Variants in ILKAP observed in about 807,000 individuals in gnomAD.
The protein encoded by ILKAP is integrin-linked kinase-associated serine/threonine phosphatase 2C.
ILKAP carries 11 observed loss-of-function variants against 49.1 expected under a neutral mutation model. The observed-to-expected ratio is 0.22, with a 90% CI of 0.14 to 0.37. The LOEUF (loss-of-function observed/expected upper bound fraction) is 0.37. ILKAP is among the 10% of genes least tolerant of loss of function. The probability of loss-of-function intolerance (pLI) is 1.00; values close to 1 mark genes in which losing one functional copy is unlikely to be tolerated. For synonymous variants in ILKAP, 186 were observed against 192.8 expected (o/e 0.96, Z 0.29); for missense variants, 363 against 510.8 (o/e 0.71, Z 2.79).
intron 3 of ILKAP, among the ~76,000 whole-genome samples, chr2:238,192,576 T>C (rs1694179011): frequency 6.6e-6 from 1 of 151,972 alleles, no homozygotes; most frequent in Non-Finnish European, 1.5e-5. Context: ...GGCGGGAGCC[T>C]GTAGTCCCAG....
chr2:238,183,036 A>C (rs956040735), intron 8 of ILKAP, among the ~76,000 whole-genome samples: 1 of 152,162 alleles, frequency 6.6e-6, no homozygotes, highest in East Asian at 1.9e-4. Flanking sequence ...AAAAGCGGCA[A>C]CGGAACGGAA....
chr2:238,201,017 T>C (rs1694546684), intron 1 of ILKAP, among the ~76,000 whole-genome samples: 1 of 152,232 alleles, frequency 6.6e-6, no homozygotes, highest in Non-Finnish European at 1.5e-5. Flanking sequence ...CTGGTTACAC[T>C]TTCTGAACAA....
intron 6 of ILKAP, 34 bp downstream of exon 6, chr2:238,185,143 CCAAT>C: frequency 7.5e-7 from 1 of 1,327,144 alleles, no homozygotes; most frequent in Non-Finnish European, 1.1e-6. Flanking sequence ...ACAGCAATAA[CCAAT>C]TTGAGTATCA....
rs528405270 is a variant in ILKAP, at chr2:238,187,764, G to A, written c.425+367C>T. ...CTGGTAAGGAGTAACACACGCTGCA[G>A]AGCCATGCTATGAAGCGTCATCTCC... On this transcript the variant is annotated intron_variant, in intron 5 of 11. Coordinates refer to ENST00000254654, the MANE Select transcript of ILKAP (RefSeq NM_030768.3). Among the ~76,000 whole-genome samples the A allele has an allele frequency of 7.2e-5, 11 of 152,314 alleles. No homozygotes were observed. In the South Asian group the frequency reaches 2.1e-3, roughly 29 times the overall value.
intron 1 of ILKAP, among the ~76,000 whole-genome samples, chr2:238,202,137 A>T (rs922209957): frequency 6.6e-6 from 1 of 152,222 alleles, no homozygotes; most frequent in Non-Finnish European, 1.5e-5. Flanking sequence ...AGGCAGGAGA[A>T]TTGTTTGAAC....
At chr2:238,198,644 T>A (rs1276499893) in intron 1 of ILKAP, among the ~76,000 whole-genome samples, 1 of 152,088 alleles carries the variant, frequency 6.6e-6, no homozygotes, top group Admixed American at 6.5e-5. Context: ...CCTCCCCTAA[T>A]CTTAAAAATA....
chr2:238,191,094 G>A (rs1427657033), intron 3 of ILKAP, among the ~76,000 whole-genome samples: 1 of 151,552 alleles, frequency 6.6e-6, no homozygotes, highest in Non-Finnish European at 1.5e-5. Context: ...AGCTGGGACT[G>A]AAAGCAGGAA....
chr2:238,187,851 G>T (rs1693968824), intron 5 of ILKAP, among the ~76,000 whole-genome samples: 1 of 152,180 alleles, frequency 6.6e-6, no homozygotes, highest in Non-Finnish European at 1.5e-5. Context: ...ATTCTTTGTT[G>T]TGGGGCTGCC....
At position 238,170,647 on chromosome 2, in the gene ILKAP, C is replaced by A; in HGVS notation, c.1068G>T (p.Lys356Asn). ...CTTCGTAGCGGGCGTCGGCTGCGGACTTCCCTTCCCGGGTCTGGATCTTTT... is the reference window on the plus strand; with the variant it reads ...CTTCGTAGCGGGCGTCGGCTGCGGAATTCCCTTCCCGGGTCTGGATCTTTT... ...EDEKIQTREG[K>N]SAADARYEAA... The change falls in exon 12 of 12, where the codon AAG becomes AAT. Residue 356 changes from lysine (K) to asparagine (N), a missense_variant. Physicochemically the swap from Lys to Asn is moderately conservative, Grantham distance 94. Coordinates refer to ENST00000254654, the MANE Select transcript of ILKAP (RefSeq NM_030768.3). 1 of 1,599,476 alleles carries A rather than the reference C, an allele frequency of 6.3e-7. No homozygotes were observed. The highest frequency in any genetic ancestry group is 8.6e-7 in the Non-Finnish European group (1 of 1,168,344).
rs1387686088 is a variant in ILKAP, at chr2:238,189,883, C to T, written c.268G>A (p.Glu90Lys). 1 of 1,614,084 alleles carries T rather than the reference C, an allele frequency of 6.2e-7. No homozygotes were observed. The highest frequency in any genetic ancestry group is 8.5e-7 in the Non-Finnish European group (1 of 1,179,922). Residue 90 changes from glutamate (E) to lysine (K), a missense_variant, in exon 4 of 12, where the codon GAA (glutamate) becomes AAA (lysine). Glu to Lys is a moderately conservative substitution (Grantham distance 56). Coordinates refer to ENST00000254654, the MANE Select transcript of ILKAP (RefSeq NM_030768.3). ...CAAACTTTCTTTTCCACAAGCTCTT[C>T]ACTGCCATTCTTCTCTTCCTCGGAG... ...KTSEEEKNGSEELVEKKVCKA... is the reference protein window; with the variant it reads ...KTSEEEKNGSKELVEKKVCKA...
At chr2:238,194,983 T>C in intron 1 of ILKAP, 113 bp from the exon 2 acceptor site, 4 of 823,530 alleles carry the variant, frequency 4.9e-6, no homozygotes, top group Non-Finnish European at 8.0e-6. Flanking sequence ...TATTAGATTC[T>C]AATTTTCTCC....
At chr2:238,186,489 G>C (rs1295410086) in intron 5 of ILKAP, 1 of 152,026 alleles carries the variant, frequency 6.6e-6, no homozygotes, top group Non-Finnish European at 1.5e-5. Flanking sequence ...TAATCTTATG[G>C]GAGCACCGTC....
chr2:238,173,568 C>A lies in ILKAP; in HGVS notation c.922G>T (p.Asp308Tyr). 1 of 1,613,828 alleles carries A rather than the reference C, an allele frequency of 6.2e-7. No individual in the cohort carries two copies. Among genetic ancestry groups the A allele is most frequent in the Non-Finnish European group, 8.5e-7 (1 of 1,179,792 alleles). Reference sequence around the variant, plus strand: ...GGGGTCAGCTGGCAGCGTCTGATGTCGGGCACAGAGGTGACACCGCAGCGC... The same window carrying A: ...GGGGTCAGCTGGCAGCGTCTGATGTAGGGCACAGAGGTGACACCGCAGCGC... ...YKRCGVTSVPDIRRCQLTPND... is the reference protein window; with the variant it reads ...YKRCGVTSVPYIRRCQLTPND... The change falls in exon 10 of 12, where the codon GAC becomes TAC. Residue 308 changes from aspartate to tyrosine, a missense_variant. Physicochemically the swap from Asp to Tyr is radical, Grantham distance 160. Coordinates refer to ENST00000254654, the MANE Select transcript of ILKAP (RefSeq NM_030768.3).
At chr2:238,183,218 T>C (rs956747669) in intron 8 of ILKAP, among the ~76,000 whole-genome samples, 1 of 152,152 alleles carries the variant, frequency 6.6e-6, no homozygotes, top group Non-Finnish European at 1.5e-5. Flanking sequence ...TGGTATTTTC[T>C]AGCTACAGCT....
intron 1 of ILKAP, among the ~76,000 whole-genome samples, chr2:238,195,571 G>A (rs1001153723): frequency 2.0e-5 from 3 of 152,162 alleles, no homozygotes; most frequent in South Asian, 4.1e-4. Flanking sequence ...AAAATTTAAC[G>A]ACCATTCCTT....
intron 3 of ILKAP, among the ~76,000 whole-genome samples, chr2:238,192,422 G>A (rs918531661): frequency 7.9e-5 from 12 of 151,262 alleles, no homozygotes; most frequent in East Asian, 2.0e-4. Context: ...TTATCGGGCC[G>A]GGCAAGGTCG....
In ILKAP at chr2:238,170,402, T is replaced by C; in HGVS notation, c.*134A>G. The C allele has an allele frequency of 4.1e-6, 4 of 981,956 alleles. No homozygotes were observed. Among genetic ancestry groups the C allele is most frequent in the Non-Finnish European group, 4.5e-6 (3 of 669,590 alleles). 60.8% of individuals were successfully genotyped at this position (981,956 alleles called of 1,614,324 possible). On this transcript the variant is annotated 3_prime_UTR_variant, in exon 12 of 12. Coordinates refer to ENST00000254654, the MANE Select transcript of ILKAP (RefSeq NM_030768.3). The stretch of plus-strand genomic sequence containing the variant: ...CTCACAGTATAATAACTCAAAAGAC[T>C]AGGAAAAAAAAAGAGAAACCTTTAT...
chr2:238,185,437 G>T, intron 5 of ILKAP, 150 bp from the exon 6 acceptor site: 2 of 524,110 alleles, frequency 3.8e-6, no homozygotes, highest in South Asian at 2.9e-5. Context: ...TTACAAATGG[G>T]AAAAAAAAGG....
intron 3 of ILKAP, among the ~76,000 whole-genome samples, chr2:238,191,419 C>A (rs76579247): frequency 0.049 from 7,452 of 152,158 alleles, 379 homozygotes; most frequent in East Asian, 0.16. Flanking sequence ...ATGTTCCTGC[C>A]CTCAAGAAGC....
Sources: gnomAD v4.1 joint callset for allele counts (sites outside exome capture counted in the v4.1 genomes callset) on GRCh38, gnomAD v4.1.1 for gene constraint, MANE v1.5 for transcripts, NCBI Gene and HGNC (gene_info 2026-07-23, HGNC 2026-07-21) for gene names.